Variants in RARB observed in about 807,000 individuals in gnomAD.
RARB encodes retinoic acid receptor beta.
A neutral mutation model predicts 51.9 loss-of-function variants in RARB; 17 were observed. That is an observed-to-expected ratio of 0.33 (90% confidence interval 0.22 to 0.49). The LOEUF (loss-of-function observed/expected upper bound fraction) is 0.49. RARB is among the 20% of genes least tolerant of loss of function. The pLI is 0.99. For synonymous variants in RARB, 215 were observed against 195.4 expected (o/e 1.10, Z -0.84); for missense variants, 369 against 550.8 (o/e 0.67, Z 3.30).
chr3:25,478,397 T>C (rs1415316958), intron 2 of RARB, among the ~76,000 whole-genome samples: 1 of 152,188 alleles, frequency 6.6e-6, no homozygotes, highest in Non-Finnish European at 1.5e-5. Flanking sequence ...ATGAAGCAGG[T>C]GGCTTGTTCT....
At chr3:25,501,129 T>A in intron 2 of RARB, 53 bp from the exon 3 acceptor site, 1 of 1,526,742 alleles carries the variant, frequency 6.5e-7, no homozygotes, top group African/African-American at 1.4e-5. Context: ...CTTTGATTTC[T>A]GATGAAGCTC....
At chr3:25,488,585 T>C (rs1696579773) in intron 2 of RARB, among the ~76,000 whole-genome samples, 1 of 152,180 alleles carries the variant, frequency 6.6e-6, no homozygotes, top group Admixed American at 6.5e-5. Context: ...ACCCCATCTT[T>C]TGGAGTGGGT....
At chr3:25,235,717 C>A (rs576206933) in intron 5 of RARB, among the ~76,000 whole-genome samples, 4 of 152,290 alleles carry the variant, frequency 2.6e-5, no homozygotes, top group Admixed American at 6.5e-5. Flanking sequence ...TGAAGACATG[C>A]GTGCGAGCAC....
At chr3:24,863,583 A>C (rs1364974768) in intron 2 of RARB, among the ~76,000 whole-genome samples, 3 of 152,160 alleles carry the variant, frequency 2.0e-5, no homozygotes, top group Non-Finnish European at 4.4e-5. Flanking sequence ...GAATGCCAAA[A>C]TAGAAAACAG....
intron 5 of RARB, among the ~76,000 whole-genome samples, chr3:25,316,251 G>A (rs1208522112): frequency 1.3e-5 from 2 of 152,086 alleles, no homozygotes; most frequent in Non-Finnish European, 1.5e-5. Flanking sequence ...GAGGTAGGGA[G>A]TGTAATTTTT....
At chr3:25,168,690 C>T (rs930807007) in intron 4 of RARB, among the ~76,000 whole-genome samples, 1 of 152,094 alleles carries the variant, frequency 6.6e-6, no homozygotes, top group Non-Finnish European at 1.5e-5. Flanking sequence ...GTGAGGATAT[C>T]TTCCAGAAAA....
intron 5 of RARB, among the ~76,000 whole-genome samples, chr3:25,327,357 T>G (rs147493764): frequency 0.01 from 1,527 of 152,076 alleles, 10 homozygotes; most frequent in Middle Eastern, 0.027. Flanking sequence ...ACTACAATAT[T>G]TCAAAATAAT....
intron 2 of RARB, among the ~76,000 whole-genome samples, chr3:24,989,204 A>C (rs1696860107): frequency 6.6e-6 from 1 of 152,224 alleles, no homozygotes; most frequent in Non-Finnish European, 1.5e-5. Flanking sequence ...CTACCATGAT[A>C]GTCAAAATGT....
intron 1 of RARB, among the ~76,000 whole-genome samples, chr3:25,438,260 C>T (rs556255487): frequency 6.6e-6 from 1 of 152,300 alleles, no homozygotes; most frequent in African/African-American, 2.4e-5. Context: ...CCTCTTAAAA[C>T]CTAGACCCAG....
chr3:25,010,964 A>C (rs750384688), intron 2 of RARB, among the ~76,000 whole-genome samples: 1 of 151,966 alleles, frequency 6.6e-6, no homozygotes, highest in Non-Finnish European at 1.5e-5. Context: ...CTTTCTTTTC[A>C]CATCCCTGCA....
chr3:25,551,329 C>T (rs575656434), intron 3 of RARB, among the ~76,000 whole-genome samples: 1 of 152,280 alleles, frequency 6.6e-6, no homozygotes, highest in South Asian at 2.1e-4. Flanking sequence ...ATTTTCCCAC[C>T]TTTGGAAGAT....
chr3:25,270,131 T>A (rs988122902), intron 5 of RARB, among the ~76,000 whole-genome samples: 11 of 152,146 alleles, frequency 7.2e-5, no homozygotes, highest in African/African-American at 2.7e-4. Context: ...GAATCACATA[T>A]CATCCATTAA....
intron 4 of RARB, among the ~76,000 whole-genome samples, chr3:25,151,758 A>T (rs956087360): frequency 6.6e-6 from 1 of 152,194 alleles, no homozygotes; most frequent in Non-Finnish European, 1.5e-5. Context: ...TGCTCCCTGA[A>T]CACGTCTCAA....
intron 5 of RARB, among the ~76,000 whole-genome samples, chr3:25,399,599 T>C (rs1043729905): frequency 3.3e-5 from 5 of 152,148 alleles, no homozygotes; most frequent in African/African-American, 1.2e-4. Context: ...AGTAGGAAGG[T>C]AGCAAAAAGC....
intron 3 of RARB, among the ~76,000 whole-genome samples, chr3:25,514,503 A>G (rs992714954): frequency 2.0e-5 from 3 of 151,862 alleles, no homozygotes; most frequent in East Asian, 1.9e-4. Context: ...AAATACCTCC[A>G]TGATTAAAAA....
chr3:25,539,318 A>T (rs192264463), intron 3 of RARB, among the ~76,000 whole-genome samples: 2 of 152,156 alleles, frequency 1.3e-5, no homozygotes, highest in African/African-American at 4.8e-5. Flanking sequence ...CCCCACCTCT[A>T]CCTATTTAAC....
At chr3:25,517,052 A>G (rs944046275) in intron 3 of RARB, among the ~76,000 whole-genome samples, 2 of 152,244 alleles carry the variant, frequency 1.3e-5, no homozygotes, top group Non-Finnish European at 2.9e-5. Flanking sequence ...TTAATCCAGC[A>G]TTCGAAATTT....
At chr3:25,391,560 ATT>A (rs1553610437) in intron 5 of RARB, among the ~76,000 whole-genome samples, 1 of 152,060 alleles carries the variant, frequency 6.6e-6, no homozygotes, top group African/African-American at 2.4e-5. Context: ...AGCATCTACT[ATT>A]TTTATGTTTT....
At chr3:25,072,128 C>T (rs1268277780) in intron 3 of RARB, among the ~76,000 whole-genome samples, 7 of 152,318 alleles carry the variant, frequency 4.6e-5, no homozygotes, top group African/African-American at 1.7e-4. Context: ...TGCCGAATGT[C>T]CCTTAGAGTG....
Sources: allele counts gnomAD v4.1 joint callset (sites outside exome capture counted in the v4.1 genomes callset), GRCh38; gene constraint gnomAD v4.1.1; transcripts MANE v1.5; gene names NCBI Gene and HGNC (gene_info 2026-07-23, HGNC 2026-07-21).